The following SDK1 variants were observed in gnomAD, a reference collection of about 807,000 sequenced individuals.
SDK1 encodes sidekick cell adhesion molecule 1, also known as protein sidekick-1.
Under a neutral mutation model 245.5 loss-of-function variants are expected in SDK1, and 157 were observed. The observed-to-expected ratio is 0.64, with a 90% CI of 0.56 to 0.73. The LOEUF (loss-of-function observed/expected upper bound fraction) is 0.73. SDK1 is among the 30% of genes least tolerant of loss of function. The pLI is 0.00. For synonymous variants in SDK1, 1,647 were observed against 1,278.5 expected, an observed-to-expected ratio of 1.29 and a Z score of -6.15; for missense variants, 3,583 against 3,002.3, an observed-to-expected ratio of 1.19 and a Z score of -4.52.
chr7:4,187,475 G>C (rs1782961589), intron 35 of SDK1, among the ~76,000 whole-genome samples: 1 of 152,216 alleles, frequency 6.6e-6, no homozygotes, highest in South Asian at 2.1e-4. Flanking sequence ...GCGGTGACCA[G>C]ATACAGGGCT....
chr7:4,044,412 C>T (rs1300869443), intron 17 of SDK1, among the ~76,000 whole-genome samples: 1 of 152,134 alleles, frequency 6.6e-6, no homozygotes, highest in Non-Finnish European at 1.5e-5. Flanking sequence ...ACCACCTCTT[C>T]ATGGGAAAAG....
chr7:4,212,209 T>C (rs1395780867), intron 38 of SDK1, among the ~76,000 whole-genome samples: 1 of 151,890 alleles, frequency 6.6e-6, no homozygotes. Flanking sequence ...AATAAGCACA[T>C]TTAGATGAAA....
In SDK1 at chr7:4,011,097, A is replaced by G; in HGVS notation, c.2263A>G (p.Ser755Gly). The G allele has an allele frequency of 6.2e-7, 1 of 1,613,962 alleles. No homozygotes were observed. Among genetic ancestry groups the G allele is most frequent in the South Asian group, 1.1e-5 (1 of 91,052 alleles). ...AVNEVGRGQYSAETSRLMLPE... is the reference protein window; with the variant it reads ...AVNEVGRGQYGAETSRLMLPE... ...GAATGAAGTGGGCAGGGGCCAGTAC[A>G]GCGCCGAGACAAGCAGGTGCGTGAA... Residue 755 changes from serine to glycine, a missense_variant, in exon 15 of 45, where the codon AGC becomes GGC. Transcript: ENST00000404826.
At chr7:3,703,507 G>C (rs1464035812) in intron 4 of SDK1, among the ~76,000 whole-genome samples, 1 of 152,146 alleles carries the variant, frequency 6.6e-6, no homozygotes, top group African/African-American at 2.4e-5. Context: ...AGGTGTGTAT[G>C]GTGATGGCAG....
At position 4,237,727 on chromosome 7, in the gene SDK1, G is replaced by C; in HGVS notation, c.6073G>C (p.Val2025Leu). 2.5e-6 allele frequency: 4 copies of C among 1,614,158 alleles called. No individual in the cohort carries two copies. The highest frequency in any genetic ancestry group is 3.4e-6 in the Non-Finnish European group (4 of 1,180,030). The change falls in exon 42 of 45, where the codon GTG becomes CTG. Residue 2025 changes from valine (V) to leucine (L), a missense_variant. By Grantham distance (32) the Val-to-Leu change is conservative (BLOSUM62 1). Transcript: ENST00000404826. ...GTCCAGCCTGATCGTCATCCTGCTG[G>C]TGGTGTTCGCCCTCGTCCTGCACGG... The part of the protein sequence containing the change: ...ALSSLIVILL[V>L]VFALVLHGQN...
At chr7:4,051,406 A>C (rs1416203272) in intron 18 of SDK1, among the ~76,000 whole-genome samples, 1 of 151,244 alleles carries the variant, frequency 6.6e-6, no homozygotes, top group African/African-American at 2.4e-5. Context: ...TTAAGTAGTT[A>C]TTTACATATA....
intron 1 of SDK1, among the ~76,000 whole-genome samples, chr7:3,602,472 T>C (rs1781283574): frequency 6.6e-6 from 1 of 152,222 alleles, no homozygotes. Flanking sequence ...CATAAATGTC[T>C]TCTTTTGAGA....
intron 4 of SDK1, among the ~76,000 whole-genome samples, chr7:3,698,665 G>A (rs1784647049): frequency 6.6e-6 from 1 of 152,130 alleles, no homozygotes; most frequent in Non-Finnish European, 1.5e-5. Flanking sequence ...CAAGGTCAAG[G>A]TGCTGGCCAG....
chr7:3,416,805 T>A (rs1779378182), intron 1 of SDK1, among the ~76,000 whole-genome samples: 2 of 152,184 alleles, frequency 1.3e-5, no homozygotes, highest in Non-Finnish European at 2.9e-5. Context: ...CTGATCCCCA[T>A]CTGTCTGTCA....
At chr7:3,767,792 A>G (rs1780297808) in intron 4 of SDK1, among the ~76,000 whole-genome samples, 1 of 152,158 alleles carries the variant, frequency 6.6e-6, no homozygotes, top group Non-Finnish European at 1.5e-5. Context: ...CAAACAAACA[A>G]AAAACAACTT....
chr7:3,382,932 C>A (rs758105804), intron 1 of SDK1, among the ~76,000 whole-genome samples: 3 of 152,020 alleles, frequency 2.0e-5, no homozygotes, highest in Non-Finnish European at 4.4e-5. Context: ...ATTTTTGAAG[C>A]TTATTTTGGG....
intron 1 of SDK1, among the ~76,000 whole-genome samples, chr7:3,445,931 G>T (rs1356815085): frequency 6.6e-6 from 1 of 151,342 alleles, no homozygotes; most frequent in Non-Finnish European, 1.5e-5. Context: ...ATTCTTGAGG[G>T]TCGGTCTACT....
At position 3,364,612 on chromosome 7, in the gene SDK1, T is replaced by A. The variant is rs1781041092; in HGVS notation, c.298+62728T>A. ...CATATCTGTTCATCTGTTTTTGCAT[T>A]TTCTACTCTATTTCATTGATCTGTG... On this transcript the variant is annotated intron_variant, in intron 1 of 44. Transcript: ENST00000404826. Among the ~76,000 whole-genome samples the A allele has an allele frequency of 2.6e-5, 4 of 152,202 alleles. No individual in the cohort carries two copies. The South Asian group carries it at 8.3e-4, about 32-fold the overall frequency.
chr7:4,049,129 A>G (rs1031617237), intron 17 of SDK1, among the ~76,000 whole-genome samples: 5 of 152,336 alleles, frequency 3.3e-5, no homozygotes, highest in Admixed American at 6.5e-5. Context: ...CTTTCTGCCT[A>G]TGCCTTAAAG....
rs1399751338 is a variant in SDK1, at chr7:3,301,826, C to T, written c.240C>T (p.Arg80=). The T allele has an allele frequency of 1.1e-5, 12 of 1,108,772 alleles. No homozygotes were observed. Among genetic ancestry groups the T allele is most frequent in the Admixed American group, 5.1e-5 (1 of 19,516 alleles). The allele number at this position is 1,108,772 out of a possible 1,614,324, so 68.7% of individuals were successfully genotyped here. A position where few individuals can be genotyped will look rare whatever the true frequency, so the allele number is the denominator to read the frequency against. The change falls in exon 1 of 45, where the codon CGC becomes CGT. Residue 80 remains arginine, a synonymous_variant. Transcript: ENST00000404826. ...GGGCGGCAAAGTTGGGGCCGGGCCG[C>T]CGCGGCTGGTGGGCGCTGCTGGCGC... ...GRRAAKLGPG[R]RGWWALLALQ...
At chr7:3,487,848 C>G (rs1177938590) in intron 1 of SDK1, among the ~76,000 whole-genome samples, 1 of 150,028 alleles carries the variant, frequency 6.7e-6, no homozygotes, top group East Asian at 2.0e-4. Flanking sequence ...CATTTATTTA[C>G]AAGCGGAGGG....
At chr7:3,797,452 T>C (rs1004239913) in intron 4 of SDK1, among the ~76,000 whole-genome samples, 3 of 98,996 alleles carry the variant, frequency 3.0e-5, no homozygotes, top group African/African-American at 4.2e-5. Context: ...ACAAGAGGGG[T>C]GTGTATACAC....
chr7:3,950,966 T>C lies in SDK1; in HGVS notation c.891T>C (p.Val297=), dbSNP rs757398943. ...TPETMAPTIV[V]PPGNRSVVAG... is the part of the protein sequence containing the mutation. Reference sequence around the variant, plus strand: ...AAACCATGGCCCCAACCATTGTGGTTCCCCCGGGCAACAGAAGTGTGGTGG... The same window carrying C: ...AAACCATGGCCCCAACCATTGTGGTCCCCCCGGGCAACAGAAGTGTGGTGG... The change falls in exon 6 of 45, where the codon GTT becomes GTC. Residue 297 remains valine (V), a synonymous_variant. Transcript: ENST00000404826. 80 of 1,613,840 alleles carry C rather than the reference T, an allele frequency of 5.0e-5. No individual in the cohort carries two copies. The highest frequency in any genetic ancestry group is 6.4e-5 in the Non-Finnish European group (75 of 1,179,986).
chr7:3,508,722 A>G (rs1321549760), intron 1 of SDK1, among the ~76,000 whole-genome samples: 1 of 152,092 alleles, frequency 6.6e-6, no homozygotes, highest in African/African-American at 2.4e-5. Flanking sequence ...TTCCATCTTG[A>G]CACTTCGAAC....
Sources: gnomAD v4.1 joint callset for allele counts (sites outside exome capture counted in the v4.1 genomes callset) on GRCh38, gnomAD v4.1.1 for gene constraint, MANE v1.5 for transcripts, NCBI Gene and HGNC (gene_info 2026-07-23, HGNC 2026-07-21) for gene names.